CCSER1: variants seen among roughly 807,000 people sequenced by gnomAD.
CCSER1 encodes coiled-coil serine rich protein 1.
A neutral mutation model predicts 82.0 loss-of-function variants in CCSER1; 41 were observed. The ratio of observed to expected loss-of-function variants is 0.50; its 90% confidence interval spans 0.39 to 0.65. The LOEUF (loss-of-function observed/expected upper bound fraction) is 0.65. CCSER1 is among the 30% of genes least tolerant of loss of function. The probability of loss-of-function intolerance (pLI) is 0.00; values close to 1 mark genes in which losing one functional copy is unlikely to be tolerated. For synonymous variants in CCSER1, 414 were observed against 383.9 expected, an observed-to-expected ratio of 1.08 and a Z score of -0.92; for missense variants, 1,119 against 1,064.2, an observed-to-expected ratio of 1.05 and a Z score of -0.72.
intron 10 of CCSER1, among the ~76,000 whole-genome samples, chr4:91,224,807 AT>A (rs1343273586): frequency 6.6e-6 from 1 of 151,414 alleles, no homozygotes; most frequent in Non-Finnish European, 1.5e-5. Context: ...CATTGTTACT[AT>A]TTTTTTTAAC....
intron 10 of CCSER1, among the ~76,000 whole-genome samples, chr4:91,514,633 G>T (rs1321251506): frequency 5.3e-5 from 8 of 150,918 alleles, no homozygotes; most frequent in Non-Finnish European, 7.4e-5. Flanking sequence ...TTCAAAAATA[G>T]ATTTTTATTT....
chr4:91,500,015 G>T (rs181353796), intron 10 of CCSER1, among the ~76,000 whole-genome samples: 1 of 151,936 alleles, frequency 6.6e-6, no homozygotes, highest in Non-Finnish European at 1.5e-5. Context: ...AAACCTTATC[G>T]TAAGAGTATA....
At chr4:91,543,490 T>A (rs890224500) in intron 10 of CCSER1, among the ~76,000 whole-genome samples, 2 of 152,102 alleles carry the variant, frequency 1.3e-5, no homozygotes, top group African/African-American at 4.8e-5. Flanking sequence ...CTTGTAAGGC[T>A]GGCCTGGTGG....
chr4:91,535,229 T>G (rs1761236584), intron 10 of CCSER1, among the ~76,000 whole-genome samples: 1 of 152,060 alleles, frequency 6.6e-6, no homozygotes, highest in Non-Finnish European at 1.5e-5. Flanking sequence ...TTATTTTTAA[T>G]AATGTAAGCT....
intron 10 of CCSER1, among the ~76,000 whole-genome samples, chr4:91,436,616 G>C (rs560235511): frequency 6.6e-6 from 1 of 152,194 alleles, no homozygotes; most frequent in Non-Finnish European, 1.5e-5. Flanking sequence ...GTTAATAATC[G>C]TGTGGGGAGG....
intron 10 of CCSER1, among the ~76,000 whole-genome samples, chr4:91,551,815 CT>C (rs1048303936): frequency 9.2e-5 from 14 of 151,554 alleles, no homozygotes; most frequent in Non-Finnish European, 2.1e-4. Flanking sequence ...CAAAAGGTCA[CT>C]TTTTTGCATG....
rs181682062 is a variant in CCSER1 at position 91,161,952 on chromosome 4, C to T, written c.2217+75958C>T. ...TTTTTTCTTTTCCTGATTGCCCTGG[C>T]GAGAACTTCCAACACTATGTTGAAT... On this transcript the variant is annotated intron_variant, in intron 10 of 10. Transcript: ENST00000509176. 2.0e-3 allele frequency among the ~76,000 whole-genome samples: 299 copies of T among 152,148 alleles called. 1 individual carries two copies. Among genetic ancestry groups the T allele is most frequent in the Middle Eastern group, 3.4e-3 (1 of 294 alleles).
intron 10 of CCSER1, among the ~76,000 whole-genome samples, chr4:91,500,458 C>T (rs1057381029): frequency 6.6e-6 from 1 of 151,882 alleles, no homozygotes; most frequent in Non-Finnish European, 1.5e-5. Context: ...AAGCTATATT[C>T]TTCATAATTT....
At chr4:90,939,266 A>C (rs1308876626) in intron 9 of CCSER1, among the ~76,000 whole-genome samples, 3 of 152,190 alleles carry the variant, frequency 2.0e-5, no homozygotes, top group Non-Finnish European at 4.4e-5. Flanking sequence ...AATAATGAAG[A>C]GTCTTACTCT....
At chr4:91,046,753 C>G (rs897853931) in intron 9 of CCSER1, among the ~76,000 whole-genome samples, 2 of 151,802 alleles carry the variant, frequency 1.3e-5, no homozygotes, top group Non-Finnish European at 2.9e-5. Flanking sequence ...GAGTCTTGCT[C>G]TGTCTCCAGG....
intron 9 of CCSER1, among the ~76,000 whole-genome samples, chr4:91,076,708 T>C (rs190842657): frequency 2.0e-5 from 3 of 152,308 alleles, no homozygotes; most frequent in Admixed American, 1.3e-4. Context: ...CTTCCAGCTT[T>C]CATTGCTAGA....
intron 7 of CCSER1, among the ~76,000 whole-genome samples, chr4:90,808,866 A>G (rs1342062473): frequency 2.0e-5 from 3 of 152,216 alleles, no homozygotes; most frequent in Non-Finnish European, 2.9e-5. Flanking sequence ...CTCTATTATT[A>G]AATTCAGCAA....
intron 10 of CCSER1, among the ~76,000 whole-genome samples, chr4:91,371,353 C>T (rs1750034220): frequency 6.6e-6 from 1 of 151,606 alleles, no homozygotes. Flanking sequence ...TCTTTCTACT[C>T]TGTCCCCATG....
At chr4:90,621,783 A>T (rs1722368786) in intron 5 of CCSER1, among the ~76,000 whole-genome samples, 1 of 152,326 alleles carries the variant, frequency 6.6e-6, no homozygotes, top group Middle Eastern at 3.4e-3. Flanking sequence ...TAGTAGGATC[A>T]AGTGAATTTT....
chr4:90,169,844 C>A (rs1488754963), intron 1 of CCSER1, among the ~76,000 whole-genome samples: 1 of 151,838 alleles, frequency 6.6e-6, no homozygotes, highest in Non-Finnish European at 1.5e-5. Context: ...TCTAGTGTCC[C>A]TCTCACGTTT....
intron 10 of CCSER1, among the ~76,000 whole-genome samples, chr4:91,466,217 G>A (rs534523145): frequency 9.9e-5 from 15 of 152,226 alleles, no homozygotes; most frequent in African/African-American, 3.4e-4. Context: ...ATCAGTAAAC[G>A]TAATCCATCA....
intron 8 of CCSER1, among the ~76,000 whole-genome samples, chr4:90,917,594 G>A (rs62312313): frequency 0.054 from 8,129 of 151,892 alleles, 319 homozygotes; most frequent in East Asian, 0.12. Context: ...GCACACCAAC[G>A]TGGCACATGT....
At chr4:90,734,165 G>A (rs980222249) in intron 7 of CCSER1, among the ~76,000 whole-genome samples, 4 of 150,720 alleles carry the variant, frequency 2.7e-5, no homozygotes, top group Non-Finnish European at 5.9e-5. Context: ...TCGCTTTGTC[G>A]CCCAGGCTGG....
chr4:91,140,806 T>A (rs995910802), intron 10 of CCSER1, among the ~76,000 whole-genome samples: 35 of 152,182 alleles, frequency 2.3e-4, no homozygotes, highest in Non-Finnish European at 4.7e-4. Context: ...TTTATTACTT[T>A]TTAAATTTCA....
Sources: allele counts gnomAD v4.1 joint callset (sites outside exome capture counted in the v4.1 genomes callset), GRCh38; gene constraint gnomAD v4.1.1; transcripts MANE v1.5; gene names NCBI Gene and HGNC (gene_info 2026-07-23, HGNC 2026-07-21).